TASP1: variants seen among roughly 807,000 people sequenced by gnomAD.
TASP1 encodes the protein threonine aspartase 1.
A neutral mutation model predicts 56.6 loss-of-function variants in TASP1; 16 were observed. The ratio of observed to expected loss-of-function variants is 0.28; its 90% CI spans 0.19 to 0.43. TASP1 has a LOEUF of 0.43. TASP1 is among the 20% of genes least tolerant of loss of function. The pLI, the probability that TASP1 is intolerant of heterozygous loss-of-function variation, is 1.00. For synonymous variants in TASP1, 179 were observed against 184.2 expected (o/e 0.97, Z 0.23); for missense variants, 393 against 511.6 (o/e 0.77, Z 2.24).
the TASP1 span, among the ~76,000 whole-genome samples, chr20:13,236,922 T>C: frequency 0.013 from 1,904 of 152,276 alleles, 42 homozygotes; most frequent in African/African-American, 0.043. Context: ...GGGGCTGGCA[T>C]TGAGTGTCTG....
At chr20:13,486,666 A>T (rs1008389976) in intron 10 of TASP1, among the ~76,000 whole-genome samples, 2 of 152,192 alleles carry the variant, frequency 1.3e-5, no homozygotes, top group African/African-American at 4.8e-5. Context: ...AACCATTTGT[A>T]ACCCACAATG....
intron 11 of TASP1, among the ~76,000 whole-genome samples, chr20:13,447,682 A>T (rs1451812886): frequency 1.3e-5 from 2 of 152,164 alleles, no homozygotes; most frequent in Non-Finnish European, 2.9e-5. Flanking sequence ...CCTGTGTGCC[A>T]GGCTGAAAGG....
chr20:13,545,628 G>A (rs1303295809), intron 8 of TASP1, among the ~76,000 whole-genome samples: 2 of 148,808 alleles, frequency 1.3e-5, no homozygotes, highest in African/African-American at 4.9e-5. Flanking sequence ...CCAGCAAAGT[G>A]TAGTTTGGTG....
the TASP1 span, among the ~76,000 whole-genome samples, chr20:13,378,498 G>C: frequency 3.3e-5 from 5 of 152,262 alleles, 1 homozygote; most frequent in South Asian, 1.0e-3. Context: ...TTCCAATTAT[G>C]TGGTCAATTT....
chr20:13,188,855 A>T, the TASP1 span, among the ~76,000 whole-genome samples: 1 of 152,176 alleles, frequency 6.6e-6, no homozygotes, highest in African/African-American at 2.4e-5. Context: ...CAGTCAGAAA[A>T]ATTGAAAACC....
chr20:13,411,088 C>T (rs1429656113), intron 13 of TASP1, among the ~76,000 whole-genome samples: 2 of 152,242 alleles, frequency 1.3e-5, no homozygotes, highest in African/African-American at 4.8e-5. Flanking sequence ...AAGAGGGCGT[C>T]CCTTCCCCAA....
the TASP1 span, among the ~76,000 whole-genome samples, chr20:13,125,549 C>T: frequency 2.0e-5 from 3 of 152,216 alleles, no homozygotes; most frequent in Non-Finnish European, 4.4e-5. Context: ...TGCCCATCAA[C>T]AATGTGGGCT....
At chr20:13,310,524 G>A in the TASP1 span, among the ~76,000 whole-genome samples, 1 of 152,176 alleles carries the variant, frequency 6.6e-6, no homozygotes, top group African/African-American at 2.4e-5. Context: ...GCAGAGATTT[G>A]TCTCCTGCCC....
the TASP1 span, among the ~76,000 whole-genome samples, chr20:13,366,263 C>T: frequency 6.6e-6 from 1 of 152,086 alleles, no homozygotes; most frequent in Non-Finnish European, 1.5e-5. Context: ...TTGATAAGAT[C>T]ATCTGTGAAG....
intron 11 of TASP1, among the ~76,000 whole-genome samples, chr20:13,459,157 C>T (rs2043960192): frequency 6.6e-6 from 1 of 152,100 alleles, no homozygotes; most frequent in Non-Finnish European, 1.5e-5. Flanking sequence ...ATCCTTCCAA[C>T]TCCATGACTT....
At chr20:13,260,833 A>G in the TASP1 span, among the ~76,000 whole-genome samples, 288 of 152,226 alleles carry the variant, frequency 1.9e-3, 3 homozygotes, top group African/African-American at 6.7e-3. Flanking sequence ...AGGATTTATT[A>G]TTTCTCATGA....
At chr20:13,301,111 C>T in the TASP1 span, among the ~76,000 whole-genome samples, 35 of 152,288 alleles carry the variant, frequency 2.3e-4, no homozygotes, top group East Asian at 5.8e-4. Context: ...CTTATATTCC[C>T]GGTACCTTTG....
At chr20:13,396,288 A>C (rs73901125) in intron 13 of TASP1, among the ~76,000 whole-genome samples, 4,988 of 152,298 alleles carry the variant, frequency 0.033, 274 homozygotes, top group African/African-American at 0.11. Context: ...GTGCAGCATT[A>C]AACCTTGGAA....
the TASP1 span, among the ~76,000 whole-genome samples, chr20:13,377,365 T>C: frequency 6.6e-6 from 1 of 152,258 alleles, no homozygotes; most frequent in Admixed American, 6.5e-5. Context: ...GTTTATGTGA[T>C]GGATTACGTT....
the TASP1 span, chr20:13,117,407 T>C: frequency 7.1e-6 from 8 of 1,127,352 alleles, no homozygotes; most frequent in Admixed American, 2.6e-5. Flanking sequence ...AGGAATGGCG[T>C]GTGTCAGGGA....
intron 13 of TASP1, among the ~76,000 whole-genome samples, chr20:13,416,818 G>C (rs6109871): frequency 0.063 from 9,656 of 152,240 alleles, 455 homozygotes; most frequent in African/African-American, 0.13. Context: ...ACCATCATGA[G>C]TCCAGGGAAG....
the TASP1 span, among the ~76,000 whole-genome samples, chr20:13,220,706 C>T: frequency 6.6e-6 from 1 of 152,232 alleles, no homozygotes; most frequent in Non-Finnish European, 1.5e-5. Context: ...GGCTAGCGGG[C>T]GGCCCAGCAA....
chr20:13,298,809 A>G, the TASP1 span: 10 of 807,428 alleles, frequency 1.2e-5, no homozygotes. Flanking sequence ...GGAGTTGTTG[A>G]CTTCAGGGAG....
At chr20:13,364,675 G>A in the TASP1 span, among the ~76,000 whole-genome samples, 22 of 151,634 alleles carry the variant, frequency 1.5e-4, no homozygotes, top group African/African-American at 5.3e-4. Context: ...CCCCAACTTG[G>A]TATCAACTTG....
Sources: allele counts gnomAD v4.1 joint callset (sites outside exome capture counted in the v4.1 genomes callset), GRCh38; gene constraint gnomAD v4.1.1; transcripts MANE v1.5; gene names NCBI Gene and HGNC (gene_info 2026-07-23, HGNC 2026-07-21).